Variants in FOSL1 observed in about 807,000 individuals in gnomAD.
FOSL1 encodes FOS like 1, AP-1 transcription factor subunit.
In FOSL1, 14 loss-of-function variants were observed where a neutral mutation model predicts 24.9. That is an observed-to-expected ratio of 0.56 (90% CI 0.37 to 0.88). FOSL1 has a LOEUF of 0.88. FOSL1 is among the 40% of genes least tolerant of loss of function. FOSL1 has a pLI of 0.00. For synonymous variants in FOSL1, 133 were observed against 145.1 expected (o/e 0.92, Z 0.60); for missense variants, 318 against 359.8 (o/e 0.88, Z 0.94).
intron 1 of FOSL1, among the ~76,000 whole-genome samples, chr11:65,898,044 T>C (rs79728957): frequency 0.091 from 2,320 of 25,474 alleles, 132 homozygotes; most frequent in South Asian, 0.18. Flanking sequence ...TTTTCTTTTC[T>C]GTTTTTTTTT....
chr11:65,893,034 G>A lies in FOSL1; in HGVS notation c.668C>T (p.Thr223Ile). Residue 223 changes from threonine to isoleucine, a missense_variant, in exon 4 of 4, where the codon ACA becomes ATA. Coordinates refer to ENST00000312562, the MANE Select transcript of FOSL1 (RefSeq NM_005438.5). ...EALHTPTLMT[T>I]PSLTPFTPSL... ...GGGGGTGAAAGGAGTTAGGGAGGGTGTGGTCATGAGTGTGGGGGTGTGCAG... is the reference window on the plus strand; with the variant it reads ...GGGGGTGAAAGGAGTTAGGGAGGGTATGGTCATGAGTGTGGGGGTGTGCAG... 6.2e-7 allele frequency: 1 copy of A among 1,612,100 alleles called. No homozygotes were observed. The highest frequency in any genetic ancestry group is 8.5e-7 in the Non-Finnish European group (1 of 1,179,398).
At position 65,896,927 on chromosome 11, in the gene FOSL1, C is replaced by T. The variant is rs768594766; in HGVS notation, c.179G>A (p.Gly60Glu). The T allele has an allele frequency of 6.2e-7, 1 of 1,614,100 alleles. No individual in the cohort carries two copies. The highest frequency in any genetic ancestry group is 1.1e-5 in the South Asian group (1 of 91,088). Residue 60 changes from glycine (G) to glutamate (E), a missense_variant, in exon 2 of 4, where the codon GGG becomes GAG. Physicochemically the swap from Gly to Glu is moderately conservative, Grantham distance 98. Coordinates refer to ENST00000312562, the MANE Select transcript of FOSL1 (RefSeq NM_005438.5). The part of the protein sequence containing the change: ...LQWMVQPHFL[G>E]PSSYPRPLTY... The stretch of plus-strand genomic sequence containing the variant: ...CAGAGGCCTGGGGTAACTGCTGGGC[C>T]CCAGGAAATGAGGCTGTACCATCCA...
Position 65,893,273 on chromosome 11 carries a change from C to A in FOSL1, c.429G>T (p.Glu143Asp). 6.2e-7 allele frequency: 1 copy of A among 1,611,094 alleles called. No individual in the cohort carries two copies. Among genetic ancestry groups the A allele is most frequent in the Non-Finnish European group, 8.5e-7 (1 of 1,178,422 alleles). ...CAATCTCTCGCTGCAGCCCAGATTT[C>A]TCATCTTCCAGTTTGTCAGTCTCCT... is the stretch of plus-strand genomic sequence containing the variant. ...LQAETDKLED[E>D]KSGLQREIEE... Residue 143 changes from glutamate (E) to aspartate (D), a missense_variant, in exon 4 of 4, where the codon GAG (glutamate) becomes GAT (aspartate). Glu to Asp is a conservative substitution (Grantham distance 45). Transcript: ENST00000312562.
chr11:65,895,900 C>T (rs772192579), intron 2 of FOSL1, among the ~76,000 whole-genome samples: 3 of 152,206 alleles, frequency 2.0e-5, no homozygotes, highest in Non-Finnish European at 4.4e-5. Flanking sequence ...TTTAAAGACT[C>T]GCCATCTCTT....
chr11:65,896,363 T>G (rs1860525303), intron 2 of FOSL1, among the ~76,000 whole-genome samples: 1 of 152,182 alleles, frequency 6.6e-6, no homozygotes, highest in African/African-American at 2.4e-5. Context: ...ACAGGGAAAC[T>G]GAGACTGAGG....
rs999759519 is a variant in FOSL1, at chr11:65,892,545, G to A, written c.*341C>T. ...TGGATCACAGGAAGAGGGTGATGGA[G>A]AGTGTGGCAGTGATCTGGAAGGGGT... On this transcript the variant is annotated 3_prime_UTR_variant, in exon 4 of 4. Coordinates refer to ENST00000312562, the MANE Select transcript of FOSL1 (RefSeq NM_005438.5). 1 of 525,358 alleles carries A rather than the reference G, an allele frequency of 1.9e-6. No individual in the cohort carries two copies. Among genetic ancestry groups the A allele is most frequent in the African/African-American group, 1.9e-5 (1 of 52,726 alleles). 32.5% of individuals were successfully genotyped at this position (525,358 alleles called of 1,614,324 possible).
At chr11:65,894,798 AG>A (rs548389258) in intron 2 of FOSL1, among the ~76,000 whole-genome samples, 21 of 152,118 alleles carry the variant, frequency 1.4e-4, no homozygotes, top group African/African-American at 5.1e-4. Context: ...CTGGGATTAC[AG>A]GCATGTACCA....
At chr11:65,894,321 C>CTAG (rs2134793339) in intron 2 of FOSL1, among the ~76,000 whole-genome samples, 200 bp from the exon 3 acceptor site, 1 of 152,320 alleles carries the variant, frequency 6.6e-6, no homozygotes, top group East Asian at 1.9e-4. Flanking sequence ...CTCCTCGCAC[C>CTAG]TAGCTTTAGT....
At chr11:65,893,606 C>A (rs1479223070) in intron 3 of FOSL1, among the ~76,000 whole-genome samples, 1 of 152,080 alleles carries the variant, frequency 6.6e-6, no homozygotes, top group African/African-American at 2.4e-5. Flanking sequence ...GCCTGGCTAA[C>A]TTGGCGAAAC....
intron 1 of FOSL1, among the ~76,000 whole-genome samples, chr11:65,898,895 A>AGGCTGC (rs773769238): frequency 2.0e-5 from 3 of 147,640 alleles, no homozygotes; most frequent in African/African-American, 5.1e-5. Flanking sequence ...CAGGAGGCTG[A>AGGCTGC]GGCTGCAGTG....
upstream of FOSL1, chr11:65,900,508 A>G (rs973671177): frequency 3.0e-5 from 12 of 397,944 alleles, no homozygotes; most frequent in African/African-American, 6.2e-5. Context: ...CACCCCCGAG[A>G]CGCGCCGCCT....
chr11:65,892,558 A>G lies in FOSL1; in HGVS notation c.*328T>C, dbSNP rs1490583378. The G allele has an allele frequency of 1.8e-6, 1 of 544,262 alleles. No individual in the cohort carries two copies. The highest frequency in any genetic ancestry group is 1.9e-5 in the African/African-American group (1 of 53,356). 33.7% of individuals were successfully genotyped at this position (544,262 alleles called of 1,614,324 possible). On this transcript the variant is annotated 3_prime_UTR_variant, in exon 4 of 4. Coordinates refer to ENST00000312562, the MANE Select transcript of FOSL1 (RefSeq NM_005438.5). ...GAGGGTGATGGAGAGTGTGGCAGTG[A>G]TCTGGAAGGGGTTAGGGCTCCAGAG...
intron 2 of FOSL1, among the ~76,000 whole-genome samples, chr11:65,895,122 TC>T (rs1437059794): frequency 2.2e-5 from 2 of 92,386 alleles, no homozygotes; most frequent in African/African-American, 7.3e-5. Context: ...AAACATAGAT[TC>T]TTTTTTTTTT....
At chr11:65,896,399 TC>T (rs1373872345) in intron 2 of FOSL1, among the ~76,000 whole-genome samples, 1 of 152,132 alleles carries the variant, frequency 6.6e-6, no homozygotes, top group Non-Finnish European at 1.5e-5. Context: ...ACCCTCTTGT[TC>T]CTGTTCTCTC....
At chr11:65,895,249 G>T (rs1187126495) in intron 2 of FOSL1, among the ~76,000 whole-genome samples, 1 of 149,806 alleles carries the variant, frequency 6.7e-6, no homozygotes, top group Non-Finnish European at 1.5e-5. Context: ...TCAGCCTCCC[G>T]AGTAGCTGCG....
Position 65,894,075 on chromosome 11 carries a change from T to A in FOSL1, c.344A>T (p.Asn115Ile). Reference protein sequence around the residue: ...EERRRVRRERNKLAAAKCRNR... With the variant: ...EERRRVRRERIKLAAAKCRNR... Reference sequence around the variant, plus strand: ...CCTGCACTTGGCCGCAGCCAGCTTGTTCCGCTCGCGCCTTACTCGGCGGCG... The same window carrying A: ...CCTGCACTTGGCCGCAGCCAGCTTGATCCGCTCGCGCCTTACTCGGCGGCG... Residue 115 changes from asparagine to isoleucine, a missense_variant, in exon 3 of 4, where the codon AAC becomes ATC. Coordinates refer to ENST00000312562, the MANE Select transcript of FOSL1 (RefSeq NM_005438.5). The A allele has an allele frequency of 6.2e-7, 1 of 1,611,312 alleles. No individual in the cohort carries two copies. The highest frequency in any genetic ancestry group is 1.7e-4 in the Middle Eastern group (1 of 6,056).
At chr11:65,894,966 C>T (rs56818849) in intron 2 of FOSL1, among the ~76,000 whole-genome samples, 1,685 of 141,464 alleles carry the variant, frequency 0.012, 15 homozygotes, top group Middle Eastern at 0.062. Context: ...CTTTTTTTTT[C>T]TTTTTTTTTT....
chr11:65,893,214 A>C lies in FOSL1; in HGVS notation c.488T>G (p.Leu163Arg), dbSNP rs1860436833. Residue 163 changes from leucine to arginine, a missense_variant, in exon 4 of 4, where the codon CTG becomes CGG. Physicochemically the swap from Leu to Arg is moderately radical, Grantham distance 102. Coordinates refer to ENST00000312562, the MANE Select transcript of FOSL1 (RefSeq NM_005438.5). ...GATGGGTCGGTGGGCTTCCAGCACC[A>C]GCTCTAGGCGCTCCTTCTGCTTCTG... Reference protein sequence around the residue: ...ELQKQKERLELVLEAHRPICK... With the variant: ...ELQKQKERLERVLEAHRPICK... The C allele has an allele frequency of 6.2e-7, 1 of 1,613,902 alleles. No individual in the cohort carries two copies. Among genetic ancestry groups the C allele is most frequent in the Admixed American group, 1.7e-5 (1 of 59,980 alleles).
intron 2 of FOSL1, among the ~76,000 whole-genome samples, chr11:65,895,535 C>T (rs1860506437): frequency 6.6e-6 from 1 of 152,188 alleles, no homozygotes; most frequent in African/African-American, 2.4e-5. Flanking sequence ...TCACTCTATT[C>T]CACATTGAGT....
Sources: gnomAD v4.1 joint callset for allele counts (sites outside exome capture counted in the v4.1 genomes callset) on GRCh38, gnomAD v4.1.1 for gene constraint, MANE v1.5 for transcripts, NCBI Gene and HGNC (gene_info 2026-07-23, HGNC 2026-07-21) for gene names.